Variants in ZNF469 observed in about 807,000 individuals in gnomAD.
ZNF469 encodes the protein zinc finger protein 469.
In ZNF469, 1 loss-of-function variant was observed where a neutral mutation model predicts 1.0. The observed-to-expected ratio is 1.00, with a 90% CI of 0.35 to 4.73. The LOEUF (loss-of-function observed/expected upper bound fraction) is 4.73. ZNF469 is among the 30% of genes most tolerant of loss of function. The pLI is 0.16. For synonymous variants in ZNF469, 2,703 were observed against 2,363.4 expected (o/e 1.14, Z -4.17); for missense variants, 6,100 against 5,356.3 (o/e 1.14, Z -4.33).
Position 88,433,900 on chromosome 16 carries a change from G to C in ZNF469, c.6430G>C (p.Gly2144Arg). The C allele has an allele frequency of 6.5e-7, 1 of 1,549,164 alleles. No homozygotes were observed. Among genetic ancestry groups the C allele is most frequent in the Non-Finnish European group, 8.7e-7 (1 of 1,146,192 alleles). ...DPLTSPSRAQGGLGGQLPASP... is the reference protein window; with the variant it reads ...DPLTSPSRAQRGLGGQLPASP... Reference sequence around the variant, plus strand: ...ACTTACCTCGCCTTCCAGGGCCCAAGGTGGGCTGGGGGGGCAGCTGCCAGC... The same window carrying C: ...ACTTACCTCGCCTTCCAGGGCCCAACGTGGGCTGGGGGGGCAGCTGCCAGC... Residue 2144 changes from glycine (G) to arginine (R), a missense_variant, in exon 3 of 3, where the codon GGT becomes CGT. Gly to Arg is a moderately radical substitution (Grantham distance 125). Coordinates refer to ENST00000565624, the MANE Select transcript of ZNF469 (RefSeq NM_001367624.2).
At position 88,434,904 on chromosome 16, in the gene ZNF469, A is replaced by C. The variant is rs1156700260; in HGVS notation, c.7434A>C (p.Ala2478=). 1 of 1,550,324 alleles carries C rather than the reference A, an allele frequency of 6.5e-7. No homozygotes were observed. The highest frequency in any genetic ancestry group is 8.7e-7 in the Non-Finnish European group (1 of 1,146,988). ...PHGPVTCEVC[A]ASFRSGPGLS... is the part of the protein sequence containing the mutation. ...GGCCTGTGACCTGTGAGGTCTGCGCAGCCTCCTTCCGCTCCGGGCCGGGCC... is the reference window on the plus strand; with the variant it reads ...GGCCTGTGACCTGTGAGGTCTGCGCCGCCTCCTTCCGCTCCGGGCCGGGCC... The change falls in exon 3 of 3, where the codon GCA becomes GCC. Residue 2478 remains alanine (A), a synonymous_variant. Coordinates refer to ENST00000565624, the MANE Select transcript of ZNF469 (RefSeq NM_001367624.2).
At chr16:88,297,360 G>C in the ZNF469 span, among the ~76,000 whole-genome samples, 1 of 152,166 alleles carries the variant, frequency 6.6e-6, no homozygotes, top group Non-Finnish European at 1.5e-5. Flanking sequence ...GCATGACAAG[G>C]CTCAGCCACC....
the ZNF469 span, among the ~76,000 whole-genome samples, chr16:88,208,923 C>T: frequency 6.6e-6 from 1 of 151,638 alleles, no homozygotes; most frequent in African/African-American, 2.4e-5. Flanking sequence ...CAGGTCTGCC[C>T]TCTACCATTC....
At chr16:88,399,708 C>T (rs910471886) in intron 1 of ZNF469, among the ~76,000 whole-genome samples, 2 of 152,232 alleles carry the variant, frequency 1.3e-5, no homozygotes, top group Non-Finnish European at 2.9e-5. Context: ...TGTGAGCTGC[C>T]CCCAGCCTCA....
chr16:88,421,318 G>A (rs903978750), intron 1 of ZNF469, among the ~76,000 whole-genome samples: 11 of 152,226 alleles, frequency 7.2e-5, no homozygotes, highest in African/African-American at 2.4e-4. Flanking sequence ...GGAGCCGCTC[G>A]TGCTCCTCCG....
chr16:88,383,954 G>A (rs1231333997), intron 1 of ZNF469, among the ~76,000 whole-genome samples: 1 of 152,206 alleles, frequency 6.6e-6, no homozygotes, highest in African/African-American at 2.4e-5. Flanking sequence ...GAAGGCCAAT[G>A]GGGCTCGGGG....
Position 88,427,524 on chromosome 16 carries a change from G to C in ZNF469, c.54G>C (p.Leu18=). 6.5e-7 allele frequency: 1 copy of C among 1,535,066 alleles called. No homozygotes were observed. The highest frequency in any genetic ancestry group is 2.0e-5 in the Admixed American group (1 of 50,828). Residue 18 remains leucine, a synonymous_variant, in exon 3 of 3, where the codon CTG becomes CTC. Transcript: ENST00000565624. ...CGCCCCCCACCATGACTGGAGACCTGCAGCCCCGCCAAGTTGCCAGCAGCC... is the reference window on the plus strand; with the variant it reads ...CGCCCCCCACCATGACTGGAGACCTCCAGCCCCGCCAAGTTGCCAGCAGCC... ...GAPPPTMTGD[L]QPRQVASSPG... is the part of the protein sequence containing the mutation.
rs1476946641 is a variant in ZNF469, at chr16:88,432,472, C to T, written c.5002C>T (p.His1668Tyr). The T allele has an allele frequency of 6.5e-6, 10 of 1,550,282 alleles. No individual in the cohort carries two copies. The highest frequency in any genetic ancestry group is 1.7e-4 in the Middle Eastern group (1 of 6,014). Residue 1668 changes from histidine to tyrosine, a missense_variant, in exon 3 of 3, where the codon CAT (histidine) becomes TAT (tyrosine). His to Tyr is a moderately conservative substitution (Grantham distance 83, BLOSUM62 2). Coordinates refer to ENST00000565624, the MANE Select transcript of ZNF469 (RefSeq NM_001367624.2). Reference sequence around the variant, plus strand: ...CTGCCCAGCCTCCTTCCATCCGGGACATGCAGCCCTTCTCCCCTGTGCCCA... The same window carrying T: ...CTGCCCAGCCTCCTTCCATCCGGGATATGCAGCCCTTCTCCCCTGTGCCCA... ...WPCPASFHPG[H>Y]AALLPCAQED...
At chr16:88,365,908 C>G in the ZNF469 span, among the ~76,000 whole-genome samples, 3 of 152,170 alleles carry the variant, frequency 2.0e-5, no homozygotes, top group Non-Finnish European at 2.9e-5. Flanking sequence ...TCACTAAAGC[C>G]TCCTCTACCT....
chr16:88,224,533 T>C, the ZNF469 span, among the ~76,000 whole-genome samples: 1 of 152,204 alleles, frequency 6.6e-6, no homozygotes, highest in Admixed American at 6.5e-5. Context: ...GGGTGTGGCC[T>C]GCAGCGTGGC....
chr16:88,224,337 C>A, the ZNF469 span, among the ~76,000 whole-genome samples: 1 of 152,228 alleles, frequency 6.6e-6, no homozygotes, highest in Middle Eastern at 3.2e-3. Flanking sequence ...GACACAGCAC[C>A]GCGGGGCCCC....
the ZNF469 span, among the ~76,000 whole-genome samples, chr16:88,291,753 C>T: frequency 2.0e-5 from 3 of 152,096 alleles, no homozygotes; most frequent in Non-Finnish European, 2.9e-5. Context: ...GAAATGGAGC[C>T]GCCATATTGG....
chr16:88,105,316 T>A, the ZNF469 span, among the ~76,000 whole-genome samples: 201 of 151,252 alleles, frequency 1.3e-3, 5 homozygotes, highest in East Asian at 0.035. Flanking sequence ...TTTTTTTTTT[T>A]TTTTTGAGAC....
At chr16:88,331,234 C>CCAT in the ZNF469 span, among the ~76,000 whole-genome samples, 8 of 144,938 alleles carry the variant, frequency 5.5e-5, no homozygotes, top group South Asian at 6.7e-4. Flanking sequence ...ACCACCATCA[C>CCAT]CACCATCACC....
At chr16:88,377,041 C>T in the ZNF469 span, among the ~76,000 whole-genome samples, 1 of 152,260 alleles carries the variant, frequency 6.6e-6, no homozygotes, top group East Asian at 1.9e-4. Flanking sequence ...TCAGCTGGGT[C>T]CCTTCAGCAT....
the ZNF469 span, among the ~76,000 whole-genome samples, chr16:88,186,295 T>C: frequency 6.6e-6 from 1 of 152,230 alleles, no homozygotes; most frequent in East Asian, 1.9e-4. Context: ...GATTAGGTTA[T>C]GCTAATGGCA....
Position 88,438,867 on chromosome 16 carries a change from G to C in ZNF469, c.11397G>C (p.Gln3799His), listed in dbSNP as rs1567517802. The change falls in exon 3 of 3, where the codon CAG (glutamine) becomes CAC (histidine). Residue 3799 changes from glutamine (Q) to histidine (H), a missense_variant. Gln to His is a conservative substitution (Grantham distance 24). Coordinates refer to ENST00000565624, the MANE Select transcript of ZNF469 (RefSeq NM_001367624.2). Reference sequence around the variant, plus strand: ...AGGGGCCAAGGGAAGCTGGTGAGCAGGGGCCCCACGGGAGCCTAGGTCCCA... The same window carrying C: ...AGGGGCCAAGGGAAGCTGGTGAGCACGGGCCCCACGGGAGCCTAGGTCCCA... ...CTKGPREAGE[Q>H]GPHGSLGPKE... 4 of 1,550,480 alleles carry C rather than the reference G, an allele frequency of 2.6e-6. No homozygotes were observed. Among genetic ancestry groups the C allele is most frequent in the Non-Finnish European group, 3.5e-6 (4 of 1,146,974 alleles).
the ZNF469 span, among the ~76,000 whole-genome samples, chr16:88,196,595 C>G: frequency 1.3e-5 from 2 of 152,160 alleles, no homozygotes; most frequent in African/African-American, 4.8e-5. Context: ...GGAGTGACCA[C>G]CAAAAATAGC....
intron 1 of ZNF469, among the ~76,000 whole-genome samples, chr16:88,401,790 G>T (rs1267775668): frequency 6.0e-5 from 9 of 151,240 alleles, no homozygotes; most frequent in African/African-American, 1.9e-4. Context: ...TGGGTGGATG[G>T]ATAGTGGATG....
Sources: allele counts gnomAD v4.1 joint callset (sites outside exome capture counted in the v4.1 genomes callset), GRCh38; gene constraint gnomAD v4.1.1; transcripts MANE v1.5; gene names NCBI Gene and HGNC (gene_info 2026-07-23, HGNC 2026-07-21).